SLF1: variants seen among roughly 807,000 people sequenced by gnomAD.
SLF1 encodes SMC5-SMC6 complex localization factor protein 1.
A neutral mutation model predicts 123.0 loss-of-function variants in SLF1; 105 were observed. The observed-to-expected ratio is 0.85, with a 90% CI of 0.73 to 1.00. The LOEUF (loss-of-function observed/expected upper bound fraction) is 1.00. Among genes scored for constraint, SLF1 ranks in the 50% least tolerant of loss-of-function variants. The pLI, the probability that SLF1 is intolerant of heterozygous loss-of-function variation, is 0.00. For synonymous variants in SLF1, 434 were observed against 406.6 expected (o/e 1.07, Z -0.81); for missense variants, 1,239 against 1,223.0 (o/e 1.01, Z -0.20).
chr5:94,675,035 A>C (rs1381476146), intron 14 of SLF1, among the ~76,000 whole-genome samples: 4 of 152,274 alleles, frequency 2.6e-5, no homozygotes, highest in African/African-American at 9.6e-5. Context: ...TTCAAATGCC[A>C]GTGTTTAAAA....
At chr5:94,630,315 T>C (rs2152466927) in intron 3 of SLF1, among the ~76,000 whole-genome samples, 188 bp from the exon 4 acceptor site, 1 of 152,358 alleles carries the variant, frequency 6.6e-6, no homozygotes, top group African/African-American at 2.4e-5. Context: ...TTACATACAA[T>C]GTTCAGTGAT....
At chr5:94,662,767 A>G (rs1373747694) in intron 10 of SLF1, among the ~76,000 whole-genome samples, 2 of 152,242 alleles carry the variant, frequency 1.3e-5, no homozygotes, top group African/African-American at 2.4e-5. Context: ...TACAATACAT[A>G]TATCCAGTCT....
intron 9 of SLF1, among the ~76,000 whole-genome samples, chr5:94,660,353 C>T (rs1748938266): frequency 6.6e-6 from 1 of 152,166 alleles, no homozygotes; most frequent in Non-Finnish European, 1.5e-5. Flanking sequence ...TGCTCAAGTG[C>T]CTGTTGCAGT....
intron 9 of SLF1, among the ~76,000 whole-genome samples, chr5:94,658,541 T>C (rs1748704597): frequency 6.6e-6 from 1 of 152,080 alleles, no homozygotes; most frequent in African/African-American, 2.4e-5. Flanking sequence ...GTCACCCTGA[T>C]TGGGATTTCC....
At position 94,644,008 on chromosome 5, in the gene SLF1, A is replaced by G. The variant is rs1462592568; in HGVS notation, c.594+573A>G. ...CGTAGATACCATTATGTTTTATCTA[A>G]TACTTTATGTCAGAGATCTGGAAAT... is the stretch of plus-strand genomic sequence containing the variant. On this transcript the variant is annotated intron_variant, in intron 5 of 20. Coordinates refer to ENST00000265140, the MANE Select transcript of SLF1 (RefSeq NM_032290.4). Among the ~76,000 whole-genome samples the G allele has an allele frequency of 2.6e-5, 4 of 152,142 alleles. No individual in the cohort carries two copies. The East Asian group carries it at 5.8e-4, about 22-fold the overall frequency.
At chr5:94,683,996 A>G (rs954659063) in intron 15 of SLF1, among the ~76,000 whole-genome samples, 1 of 152,060 alleles carries the variant, frequency 6.6e-6, no homozygotes, top group African/African-American at 2.4e-5. Flanking sequence ...TTGTTCATCT[A>G]TTATTTTTTA....
intron 9 of SLF1, among the ~76,000 whole-genome samples, chr5:94,657,553 C>T (rs564516192): frequency 6.6e-6 from 1 of 151,984 alleles, no homozygotes; most frequent in Non-Finnish European, 1.5e-5. Context: ...CTGTTAGGTT[C>T]ATTTGTTCTA....
chr5:94,670,112 T>G, intron 12 of SLF1, 39 bp from the exon 13 acceptor site: 1 of 1,493,592 alleles, frequency 6.7e-7, no homozygotes, highest in Non-Finnish European at 8.9e-7. Flanking sequence ...CTTAGTGAAT[T>G]GCTTGTATGT....
chr5:94,686,645 A>C lies in SLF1; in HGVS notation c.2048A>C (p.Glu683Ala). The change falls in exon 16 of 21, where the codon GAG becomes GCG. Residue 683 changes from glutamate (E) to alanine (A), a missense_variant. Coordinates refer to ENST00000265140, the MANE Select transcript of SLF1 (RefSeq NM_032290.4). Reference sequence around the variant, plus strand: ...TCCTGGCTTCAAATGTTTGTTGCAGAGGCAGTCTTTAAAAAGTTGTGTCTA... The same window carrying C: ...TCCTGGCTTCAAATGTTTGTTGCAGCGGCAGTCTTTAAAAAGTTGTGTCTA... Reference protein sequence around the residue: ...SSSWLQMFVAEAVFKKLCLQS... With the variant: ...SSSWLQMFVAAAVFKKLCLQS... The C allele has an allele frequency of 6.2e-7, 1 of 1,614,084 alleles. No individual in the cohort carries two copies. The highest frequency in any genetic ancestry group is 1.1e-5 in the South Asian group (1 of 91,086).
In SLF1 at chr5:94,643,116, A is replaced by G. The variant is rs572662995; in HGVS notation, c.432-157A>G. ...ACTCTGAACAATTTATAATTTAAGA[A>G]ATTGCAGCCGTGTTCTCTGTGATCC... is the stretch of plus-strand genomic sequence containing the variant. On this transcript the variant is annotated intron_variant, in intron 4 of 20. Transcript: ENST00000265140. 4.7e-4 allele frequency among the ~76,000 whole-genome samples: 71 copies of G among 152,320 alleles called. 1 individual carries two copies. In the South Asian group the frequency reaches 0.013, roughly 28 times the overall value.
chr5:94,627,923 G>A (rs1029654812), intron 1 of SLF1, among the ~76,000 whole-genome samples: 3 of 151,540 alleles, frequency 2.0e-5, no homozygotes, highest in Non-Finnish European at 2.9e-5. Flanking sequence ...TCTGCCTCCC[G>A]GGTTCAAGCG....
intron 9 of SLF1, among the ~76,000 whole-genome samples, chr5:94,658,913 T>C (rs189415876): frequency 0.011 from 1,469 of 131,858 alleles, 8 homozygotes; most frequent in Non-Finnish European, 0.018. Flanking sequence ...CTGTTATATA[T>C]TTTTTTTCAT....
chr5:94,664,557 T>A (rs1027723245), intron 11 of SLF1, among the ~76,000 whole-genome samples: 10 of 152,204 alleles, frequency 6.6e-5, no homozygotes, highest in Non-Finnish European at 1.3e-4. Flanking sequence ...TATTCAAAGA[T>A]CGCTTTCTAA....
intron 4 of SLF1, 138 bp downstream of exon 4, chr5:94,630,881 T>A: frequency 1.1e-6 from 1 of 905,758 alleles, no homozygotes; most frequent in Non-Finnish European, 1.6e-6. Context: ...GGTAAGCCAT[T>A]ATGCTCGTTT....
intron 10 of SLF1, 110 bp downstream of exon 10, chr5:94,662,461 G>A (rs552565340): frequency 7.3e-5 from 58 of 798,536 alleles, no homozygotes; most frequent in Non-Finnish European, 9.7e-5. Context: ...AAAAGGTAAC[G>A]TATTATATGC....
At position 94,663,805 on chromosome 5, in the gene SLF1, A is replaced by G; in HGVS notation, c.1265A>G (p.Glu422Gly). The G allele has an allele frequency of 6.4e-7, 1 of 1,550,612 alleles. No individual in the cohort carries two copies. Reference sequence around the variant, plus strand: ...TTAAATTTAATTGAAAGCCTCATAGAAGGACATTTTTTTAAAGAAGCAATT... The same window carrying G: ...TTAAATTTAATTGAAAGCCTCATAGGAGGACATTTTTTTAAAGAAGCAATT... The part of the protein sequence containing the change: ...GVLNLIESLI[E>G]GHFFKEAIEE... The change falls in exon 11 of 21, where the codon GAA (glutamate) becomes GGA (glycine). Residue 422 changes from glutamate (E) to glycine (G), a missense_variant. By Grantham distance (98) the Glu-to-Gly change is moderately conservative. Coordinates refer to ENST00000265140, the MANE Select transcript of SLF1 (RefSeq NM_032290.4).
intron 4 of SLF1, 148 bp from the exon 5 acceptor site, chr5:94,643,125 C>T (rs559701005): frequency 4.8e-4 from 249 of 522,644 alleles, no homozygotes; most frequent in Non-Finnish European, 6.3e-4. Context: ...AAATTGCAGC[C>T]GTGTTCTCTG....
At chr5:94,683,637 AAAG>A (rs1752074903) in intron 15 of SLF1, among the ~76,000 whole-genome samples, 1 of 152,286 alleles carries the variant, frequency 6.6e-6, no homozygotes, top group East Asian at 1.9e-4. Flanking sequence ...TCTGAATAGG[AAAG>A]AAGGACTGTT....
At chr5:94,649,625 A>G (rs1397134054) in intron 6 of SLF1, 28 bp downstream of exon 6, 5 of 1,426,136 alleles carry the variant, frequency 3.5e-6, no homozygotes, top group African/African-American at 1.4e-5. Context: ...AAAAACATAC[A>G]TTTCTGATGT....
Sources: allele counts gnomAD v4.1 joint callset (sites outside exome capture counted in the v4.1 genomes callset), GRCh38; gene constraint gnomAD v4.1.1; transcripts MANE v1.5; gene names NCBI Gene and HGNC (gene_info 2026-07-23, HGNC 2026-07-21).